Variants in TRPM1 observed in about 807,000 individuals in gnomAD.
TRPM1 encodes the protein TRPM1-203 APA Isoform, Intron 10.
TRPM1 carries 113 observed loss-of-function variants against 149.4 expected under a neutral mutation model. The ratio of observed to expected loss-of-function variants is 0.76; its 90% CI spans 0.65 to 0.88. The LOEUF (loss-of-function observed/expected upper bound fraction) is 0.88. TRPM1 is among the 40% of genes least tolerant of loss of function. The pLI is 0.00. For synonymous variants in TRPM1, 741 were observed against 759.5 expected, an observed-to-expected ratio of 0.98 and a Z score of 0.40; for missense variants, 1,976 against 2,038.7, an observed-to-expected ratio of 0.97 and a Z score of 0.59.
intron 7 of TRPM1, among the ~76,000 whole-genome samples, chr15:31,063,566 T>A (rs1449948110): frequency 1.3e-5 from 2 of 152,050 alleles, no homozygotes; most frequent in Non-Finnish European, 2.9e-5. Context: ...GCTCAGGCAA[T>A]CCTCCCACCT....
chr15:31,040,202 G>A lies in TRPM1; in HGVS notation c.2232C>T (p.Asp744=), dbSNP rs1233455687. 3.1e-6 allele frequency: 5 copies of A among 1,614,232 alleles called. No homozygotes were observed. Among genetic ancestry groups the A allele is most frequent in the African/African-American group, 1.3e-5 (1 of 75,062 alleles). ...TCTGGCTGCAGGTGTGAGCAATGAA[G>A]TCCCGGTGTTTGGCTGCCACGGCCA... is the stretch of plus-strand genomic sequence containing the variant. ...LKLAVAAKHR[D]FIAHTCSQML... is the part of the protein sequence containing the mutation. Residue 744 remains aspartate (D), a synonymous_variant, in exon 18 of 28, where the codon GAC becomes GAT. Transcript: ENST00000256552. The surrounding 1 kb of genome is among the most constrained non-coding windows in gnomAD (Gnocchi z 4.2).
chr15:31,049,186 T>C (rs967375079), intron 13 of TRPM1, among the ~76,000 whole-genome samples, 189 bp downstream of exon 13: 1 of 152,126 alleles, frequency 6.6e-6, no homozygotes, highest in Admixed American at 6.5e-5. Context: ...TGGCGAGGCA[T>C]GGCAGGAGGT....
intron 3 of TRPM1, among the ~76,000 whole-genome samples, chr15:31,074,392 G>A (rs2140973625): frequency 6.6e-6 from 1 of 152,170 alleles, no homozygotes; most frequent in South Asian, 2.1e-4. Flanking sequence ...GATCTGTTCA[G>A]ATTGTACATT....
intron 1 of TRPM1, among the ~76,000 whole-genome samples, chr15:31,130,970 G>A (rs921335944): frequency 2.0e-5 from 3 of 152,166 alleles, no homozygotes; most frequent in African/African-American, 4.8e-5. Flanking sequence ...TAGGCAGAGG[G>A]CAAGGAGAAT....
intron 1 of TRPM1, among the ~76,000 whole-genome samples, chr15:31,110,534 G>C (rs1381983754): frequency 6.6e-6 from 1 of 152,238 alleles, no homozygotes; most frequent in Non-Finnish European, 1.5e-5. Context: ...GGAAGGCAGA[G>C]GGTCTTCCTG....
chr15:31,037,935 C>T, intron 19 of TRPM1, 93 bp from the exon 20 acceptor site: 1 of 1,611,878 alleles, frequency 6.2e-7, no homozygotes, highest in South Asian at 1.1e-5. Context: ...AAACACAATT[C>T]CAAAAATACC....
chr15:31,093,282 AAAAAG>A (rs2035290408), intron 1 of TRPM1, among the ~76,000 whole-genome samples: 3 of 150,730 alleles, frequency 2.0e-5, no homozygotes, highest in African/African-American at 4.9e-5. Context: ...AAAAAAAAAA[AAAAAG>A]ATTAAAAAAG....
At chr15:31,042,907 G>A (rs1219013212) in intron 16 of TRPM1, among the ~76,000 whole-genome samples, 1 of 152,180 alleles carries the variant, frequency 6.6e-6, no homozygotes, top group Non-Finnish European at 1.5e-5. Context: ...TGAAATATGT[G>A]GGTCTCAGAC....
exon 1 of TRPM1, chr15:31,161,049 G>A (rs2036438784): frequency 7.6e-7 from 1 of 1,314,116 alleles, no homozygotes; most frequent in Non-Finnish European, 1.1e-6. Context: ...GTGGGCAGGA[G>A]CGGAGCCACA....
In TRPM1 at chr15:31,040,888, C is replaced by T. The variant is rs571101576; in HGVS notation, c.2088-542G>A. On this transcript the variant is annotated intron_variant, in intron 17 of 27. Transcript: ENST00000256552. The surrounding 1 kb of genome is among the most constrained non-coding windows in gnomAD (Gnocchi z 4.2). ...GTGGACTGTCACCAGCTGGACATTT[C>T]GGATGTATGCCTTTCTCTGCCCGTG... is the stretch of plus-strand genomic sequence containing the variant. 1.5e-4 allele frequency among the ~76,000 whole-genome samples: 23 copies of T among 152,212 alleles called. 3 individuals carry two copies. Among genetic ancestry groups the T allele is most frequent in the Admixed American group, 7.2e-4 (11 of 15,294 alleles).
At chr15:31,138,303 C>T (rs1249169002) in intron 1 of TRPM1, among the ~76,000 whole-genome samples, 1 of 152,150 alleles carries the variant, frequency 6.6e-6, no homozygotes, top group East Asian at 1.9e-4. Flanking sequence ...ACCACCAAGA[C>T]TGATGGGCCT....
At chr15:31,013,982 A>T (rs934300436) in intron 27 of TRPM1, among the ~76,000 whole-genome samples, 2 of 152,192 alleles carry the variant, frequency 1.3e-5, no homozygotes, top group Admixed American at 6.5e-5. Flanking sequence ...GGCAGTTTAC[A>T]TCTTTGCTTT....
At position 31,050,589 on chromosome 15, in the gene TRPM1, T is replaced by A; in HGVS notation, c.1264-7A>T. On this transcript the variant is annotated splice_polypyrimidine_tract_variant and splice_region_variant and intron_variant, in intron 11 of 27. Transcript: ENST00000256552. ...GTGCCAGGCTTCCCAGGGGCTGCAG[T>A]CCACAGCAATCAGAGTTGGGAAATG... is the stretch of plus-strand genomic sequence containing the variant. 1 of 1,614,040 alleles carries A rather than the reference T, an allele frequency of 6.2e-7. No homozygotes were observed. The highest frequency in any genetic ancestry group is 8.5e-7 in the Non-Finnish European group (1 of 1,180,000).
chr15:31,118,993 A>C (rs964254123), intron 1 of TRPM1, among the ~76,000 whole-genome samples: 23 of 152,066 alleles, frequency 1.5e-4, no homozygotes, highest in Non-Finnish European at 3.2e-4. Context: ...TAATCCCAGC[A>C]CTTTGGGAGG....
chr15:31,156,927 T>TTTA (rs1011491855), intron 1 of TRPM1, among the ~76,000 whole-genome samples: 5 of 64,846 alleles, frequency 7.7e-5, no homozygotes, highest in African/African-American at 2.1e-4. Context: ...TGTACTTACA[T>TTTA]TTATTTTTTT....
chr15:31,089,937 G>T lies in TRPM1; in HGVS notation c.-83-8499C>A, dbSNP rs538355413. Among the ~76,000 whole-genome samples the T allele has an allele frequency of 3.3e-5, 5 of 152,326 alleles. No homozygotes were observed. In the East Asian group the frequency reaches 9.6e-4, roughly 29 times the overall value. ...GGTTGGCCGGGAGCACCGTGTGGGG[G>T]TGGGAAGTGACTACGGTGTGTGTGT... On this transcript the variant is annotated intron_variant, in intron 1 of 27. Coordinates refer to ENST00000256552, the MANE Select transcript of TRPM1 (RefSeq NM_001252024.2).
At chr15:31,069,882 A>G in intron 4 of TRPM1, 149 bp downstream of exon 4, 1 of 1,597,200 alleles carries the variant, frequency 6.3e-7, no homozygotes, top group East Asian at 2.2e-5. Flanking sequence ...CCATGTGCAC[A>G]GATATATCTC....
chr15:31,026,626 G>A (rs1392211977), intron 26 of TRPM1, among the ~76,000 whole-genome samples: 2 of 152,114 alleles, frequency 1.3e-5, no homozygotes, highest in African/African-American at 2.4e-5. Context: ...AAGACGTTTT[G>A]AAAGGAGCAT....
chr15:31,115,343 G>A (rs546881702), intron 1 of TRPM1, among the ~76,000 whole-genome samples: 1 of 152,178 alleles, frequency 6.6e-6, no homozygotes, highest in South Asian at 2.1e-4. Flanking sequence ...GTTTCGGCTT[G>A]TATGTGTAAA....
Sources: gnomAD v4.1 joint callset for allele counts (sites outside exome capture counted in the v4.1 genomes callset) on GRCh38, gnomAD v4.1.1 for gene constraint, Gnocchi (gnomAD v3.1) non-coding constraint, MANE v1.5 for transcripts, NCBI Gene and HGNC (gene_info 2026-07-23, HGNC 2026-07-21) for gene names.